The following EPHB1 variants were observed in gnomAD, a reference collection of about 807,000 sequenced individuals.
EPHB1 encodes the protein ephrin type-B receptor 1.
EPHB1 carries 30 observed loss-of-function variants against 94.4 expected under a neutral mutation model. The observed-to-expected ratio is 0.32, with a 90% CI of 0.24 to 0.43. EPHB1 has a LOEUF of 0.43. Among genes scored for constraint, EPHB1 ranks in the 20% least tolerant of loss-of-function variants. The probability of loss-of-function intolerance (pLI) is 1.00; values close to 1 mark genes in which losing one functional copy is unlikely to be tolerated. For synonymous variants in EPHB1, 522 were observed against 489.1 expected (o/e 1.07, Z -0.89); for missense variants, 1,055 against 1,308.3 (o/e 0.81, Z 2.99).
chr3:135,113,365 A>G (rs1333253275), intron 4 of EPHB1, among the ~76,000 whole-genome samples: 2 of 152,186 alleles, frequency 1.3e-5, no homozygotes, highest in African/African-American at 4.8e-5. Context: ...TTTTTGAGGA[A>G]TTGTATAGCT....
At chr3:135,237,591 T>C (rs1248185191) in intron 12 of EPHB1, among the ~76,000 whole-genome samples, 4 of 152,068 alleles carry the variant, frequency 2.6e-5, no homozygotes, top group African/African-American at 9.7e-5. Flanking sequence ...CCCATACCCT[T>C]AGCATCCCCC....
chr3:135,059,374 T>G (rs1363931462), intron 3 of EPHB1, among the ~76,000 whole-genome samples: 3 of 152,120 alleles, frequency 2.0e-5, no homozygotes, highest in Non-Finnish European at 4.4e-5. Flanking sequence ...TCCTGGAGGG[T>G]TGGTCCCTGG....
In EPHB1 at chr3:135,002,194, T is replaced by C. The variant is rs545498903; in HGVS notation, c.805+50142T>C. On this transcript the variant is annotated intron_variant, in intron 3 of 15. Coordinates refer to ENST00000398015, the MANE Select transcript of EPHB1 (RefSeq NM_004441.5). ...GGTCTATGTCCCCACCCAAATCTCC[T>C]CTCAAATTGTAATCTCCATGGGTCC... Among the ~76,000 whole-genome samples, 855 of 152,306 alleles carry C rather than the reference T, an allele frequency of 5.6e-3. 8 individuals carry two copies. The highest frequency in any genetic ancestry group is 0.02 in the African/African-American group (821 of 41,562).
intron 3 of EPHB1, among the ~76,000 whole-genome samples, chr3:134,975,070 A>T (rs1319078862): frequency 6.7e-6 from 1 of 150,306 alleles, no homozygotes; most frequent in Non-Finnish European, 1.5e-5. Flanking sequence ...TTCACACATC[A>T]TATTGATTTG....
intron 3 of EPHB1, among the ~76,000 whole-genome samples, chr3:135,035,684 C>G (rs1409417925): frequency 6.6e-6 from 1 of 152,204 alleles, no homozygotes; most frequent in Non-Finnish European, 1.5e-5. Context: ...AAATGCTGGA[C>G]AGCTGGAGAC....
intron 5 of EPHB1, among the ~76,000 whole-genome samples, chr3:135,145,472 C>G: frequency 6.6e-6 from 1 of 152,176 alleles, no homozygotes; most frequent in East Asian, 1.9e-4. Flanking sequence ...ATAAACTTTT[C>G]AGAGTCTGGG....
intron 4 of EPHB1, among the ~76,000 whole-genome samples, chr3:135,111,248 C>T (rs904478227): frequency 6.6e-6 from 1 of 152,132 alleles, no homozygotes; most frequent in Non-Finnish European, 1.5e-5. Flanking sequence ...CACCTAGGAA[C>T]TTACTAAAAT....
rs2035806511 is a variant in EPHB1, at chr3:134,795,575, C to G, written c.-57C>G. On this transcript the variant is annotated 5_prime_UTR_variant, in exon 1 of 16. Coordinates refer to ENST00000398015, the MANE Select transcript of EPHB1 (RefSeq NM_004441.5). Reference sequence around the variant, plus strand: ...AGCGCAGCGGCGCCCTGGGACGCGGCGCTCTCCCGGCGCTGCTGCCTCGGC... The same window carrying G: ...AGCGCAGCGGCGCCCTGGGACGCGGGGCTCTCCCGGCGCTGCTGCCTCGGC... The G allele has an allele frequency of 8.4e-6, 13 of 1,556,334 alleles. No homozygotes were observed. The highest frequency in any genetic ancestry group is 1.1e-5 in the Non-Finnish European group (13 of 1,140,442).
chr3:135,124,705 T>C (rs1005631569), intron 4 of EPHB1, among the ~76,000 whole-genome samples: 1 of 151,772 alleles, frequency 6.6e-6, no homozygotes, highest in Non-Finnish European at 1.5e-5. Flanking sequence ...CTTAGTAATT[T>C]GCTACTGGGG....
At chr3:135,009,075 A>T (rs1280807242) in intron 3 of EPHB1, among the ~76,000 whole-genome samples, 2 of 152,166 alleles carry the variant, frequency 1.3e-5, no homozygotes, top group African/African-American at 2.4e-5. Flanking sequence ...ATAAACCCCC[A>T]TCCCTCCTTG....
At chr3:135,182,261 A>G (rs1431340641) in intron 10 of EPHB1, among the ~76,000 whole-genome samples, 2 of 152,264 alleles carry the variant, frequency 1.3e-5, no homozygotes, top group Admixed American at 1.3e-4. Context: ...GATTTATGCC[A>G]TGTAACTGGC....
intron 3 of EPHB1, among the ~76,000 whole-genome samples, chr3:135,076,542 C>G (rs1937928678): frequency 1.3e-5 from 2 of 152,114 alleles, no homozygotes. Flanking sequence ...TTGGCAGTTT[C>G]TTAAGTTAAT....
chr3:135,090,941 G>A (rs1238796970), intron 3 of EPHB1, among the ~76,000 whole-genome samples: 1 of 152,178 alleles, frequency 6.6e-6, no homozygotes, highest in Non-Finnish European at 1.5e-5. Flanking sequence ...ATTCCACTGA[G>A]CCCATTTCTA....
At chr3:135,170,592 GT>G (rs1941778392) in intron 9 of EPHB1, among the ~76,000 whole-genome samples, 1 of 152,100 alleles carries the variant, frequency 6.6e-6, no homozygotes, top group African/African-American at 2.4e-5. Flanking sequence ...TTCTCAGTAG[GT>G]GCTGGCTGAC....
At chr3:135,022,494 C>A (rs908736507) in intron 3 of EPHB1, among the ~76,000 whole-genome samples, 1 of 152,146 alleles carries the variant, frequency 6.6e-6, no homozygotes, top group African/African-American at 2.4e-5. Flanking sequence ...TAACACTACT[C>A]GGTCTTGGAA....
chr3:135,206,057 G>A (rs745935903), intron 12 of EPHB1, among the ~76,000 whole-genome samples: 25 of 152,248 alleles, frequency 1.6e-4, no homozygotes, highest in Non-Finnish European at 3.4e-4. Flanking sequence ...ATACCCAGAG[G>A]CAACCACTGT....
At chr3:134,885,646 T>C (rs2037848231) in intron 1 of EPHB1, among the ~76,000 whole-genome samples, 3 of 152,218 alleles carry the variant, frequency 2.0e-5, no homozygotes, top group African/African-American at 7.2e-5. Context: ...TGGAACATAA[T>C]TGTGAGAAGA....
intron 3 of EPHB1, among the ~76,000 whole-genome samples, chr3:134,974,581 C>T (rs1046839134): frequency 6.6e-6 from 1 of 151,116 alleles, no homozygotes; most frequent in East Asian, 1.9e-4. Flanking sequence ...CCCACCTCTT[C>T]AACGCCAACA....
At chr3:135,214,199 TG>T (rs1266053196) in intron 12 of EPHB1, among the ~76,000 whole-genome samples, 9 of 152,204 alleles carry the variant, frequency 5.9e-5, no homozygotes, top group African/African-American at 2.2e-4. Context: ...CTTGGCCATC[TG>T]CCCCCTCCTC....
Sources: gnomAD v4.1 joint callset for allele counts (sites outside exome capture counted in the v4.1 genomes callset) on GRCh38, gnomAD v4.1.1 for gene constraint, MANE v1.5 for transcripts, NCBI Gene and HGNC (gene_info 2026-07-23, HGNC 2026-07-21) for gene names.